The following PRORP variants were observed in gnomAD, a reference collection of about 807,000 sequenced individuals.
PRORP encodes the protein protein only RNase P catalytic subunit, also known as mitochondrial ribonuclease P catalytic subunit.
In PRORP, 51 loss-of-function variants were observed where a neutral mutation model predicts 59.4. The observed-to-expected ratio is 0.86, with a 90% CI of 0.69 to 1.08. The LOEUF is 1.08. PRORP is among the 50% of genes least tolerant of loss of function. The pLI is 0.00. For missense variants in PRORP, 646 were observed against 690.3 expected, an observed-to-expected ratio of 0.94 and a Z score of 0.72; for synonymous variants, 231 against 245.6, an observed-to-expected ratio of 0.94 and a Z score of 0.55.
intron 4 of PRORP, 24 bp downstream of exon 4, chr14:35,127,635 T>G: frequency 6.2e-7 from 1 of 1,613,380 alleles, no homozygotes; most frequent in Middle Eastern, 1.7e-4. Flanking sequence ...GTTTTATTTC[T>G]TCTTGGATTG....
chr14:35,189,135 T>A (rs1223129486), intron 5 of PRORP, among the ~76,000 whole-genome samples: 1 of 152,162 alleles, frequency 6.6e-6, no homozygotes, highest in Non-Finnish European at 1.5e-5. Context: ...GGACTAACCT[T>A]CACCCTATTT....
At chr14:35,174,465 G>A (rs1040115407) in intron 4 of PRORP, among the ~76,000 whole-genome samples, 1 of 151,898 alleles carries the variant, frequency 6.6e-6, no homozygotes. Flanking sequence ...TTAAGTTGGG[G>A]TTTTTTTGTT....
rs1056642864 is a variant in PRORP at position 35,155,508 on chromosome 14, G to A, written c.1168-25162G>A. Among the ~76,000 whole-genome samples the A allele has an allele frequency of 1.2e-4, 17 of 147,544 alleles. 1 individual carries two copies. The highest frequency in any genetic ancestry group is 3.6e-3 in the Middle Eastern group (1 of 280). On this transcript the variant is annotated intron_variant, in intron 4 of 7. Transcript: ENST00000534898. The stretch of plus-strand genomic sequence containing the variant: ...AAGCTGAGGTGGGAGGATTGCTTGA[G>A]CCCAGGAGTTTAAGACAAGCCTGGG...
intron 5 of PRORP, among the ~76,000 whole-genome samples, chr14:35,236,965 CTTTT>C (rs2050233369): frequency 1.3e-5 from 2 of 150,358 alleles, no homozygotes; most frequent in Non-Finnish European, 3.0e-5. Flanking sequence ...TCTTTTCTTT[CTTTT>C]CTTTCCTTTC....
intron 7 of PRORP, among the ~76,000 whole-genome samples, chr14:35,271,916 C>T (rs756966888): frequency 9.2e-5 from 14 of 152,062 alleles, no homozygotes; most frequent in South Asian, 4.1e-4. Context: ...ATCCCAGCTA[C>T]GTGGGAGGCT....
chr14:35,236,645 A>G (rs1251696321), intron 5 of PRORP, among the ~76,000 whole-genome samples: 1 of 152,134 alleles, frequency 6.6e-6, no homozygotes, highest in Non-Finnish European at 1.5e-5. Context: ...CTGTGACTTC[A>G]CATTCTTATC....
intron 5 of PRORP, among the ~76,000 whole-genome samples, chr14:35,263,586 G>A (rs540101956): frequency 1.4e-4 from 22 of 152,308 alleles, no homozygotes; most frequent in Non-Finnish European, 2.9e-4. Context: ...TACTCAGGAG[G>A]CTGAGGTAGG....
In PRORP at chr14:35,248,103, G is replaced by C. The variant is rs182128338; in HGVS notation, c.1276-18624G>C. On this transcript the variant is annotated intron_variant, in intron 5 of 7. Transcript: ENST00000534898. ...TAGAATTGTTTCATTAACTAAGGAC[G>C]AGAGGAGATAATTGAAATCTCCCTA... 3.0e-3 allele frequency among the ~76,000 whole-genome samples: 448 copies of C among 151,250 alleles called. 3 individuals are homozygous for C. Among genetic ancestry groups the C allele is most frequent in the African/African-American group, 0.011 (439 of 41,512 alleles).
At chr14:35,154,083 C>T (rs1280998684) in intron 4 of PRORP, among the ~76,000 whole-genome samples, 3 of 152,154 alleles carry the variant, frequency 2.0e-5, no homozygotes, top group African/African-American at 4.8e-5. Flanking sequence ...AAAGCCCACT[C>T]CAGCTCTGCA....
intron 5 of PRORP, among the ~76,000 whole-genome samples, chr14:35,190,896 G>T (rs572797631): frequency 6.6e-6 from 1 of 152,024 alleles, no homozygotes; most frequent in African/African-American, 2.4e-5. Context: ...ATCATAATCT[G>T]TTGCAAGATA....
chr14:35,227,825 C>T (rs1365448889), intron 5 of PRORP, among the ~76,000 whole-genome samples: 1 of 151,552 alleles, frequency 6.6e-6, no homozygotes, highest in Non-Finnish European at 1.5e-5. Flanking sequence ...TGCACAAGCC[C>T]GCAGAAATAC....
At chr14:35,239,917 A>C (rs563190700) in intron 5 of PRORP, among the ~76,000 whole-genome samples, 1 of 152,228 alleles carries the variant, frequency 6.6e-6, no homozygotes, top group African/African-American at 2.4e-5. Context: ...TCTACTAAAA[A>C]TACAAAAATT....
At chr14:35,229,059 T>C (rs1369857513) in intron 5 of PRORP, among the ~76,000 whole-genome samples, 1 of 152,240 alleles carries the variant, frequency 6.6e-6, no homozygotes. Flanking sequence ...TATTGAGCAT[T>C]TTTTCATGTT....
chr14:35,121,842 C>T, upstream of PRORP: 3 of 1,582,462 alleles, frequency 1.9e-6, no homozygotes, highest in South Asian at 3.3e-5. Context: ...CCCACCTCCC[C>T]CCTACCTCTA....
intron 5 of PRORP, among the ~76,000 whole-genome samples, chr14:35,210,721 A>T (rs1242687730): frequency 6.9e-6 from 1 of 145,458 alleles, no homozygotes; most frequent in African/African-American, 2.5e-5. Flanking sequence ...GGCTTCTGGA[A>T]AAGTTTTCCT....
At chr14:35,249,424 A>T (rs2050560110) in intron 5 of PRORP, among the ~76,000 whole-genome samples, 1 of 152,238 alleles carries the variant, frequency 6.6e-6, no homozygotes, top group Non-Finnish European at 1.5e-5. Flanking sequence ...TCTACAAAAA[A>T]TAAAAAAATA....
At chr14:35,259,978 T>C (rs28460322) in intron 5 of PRORP, among the ~76,000 whole-genome samples, 6,935 of 149,264 alleles carry the variant, frequency 0.046, 248 homozygotes, top group African/African-American at 0.093. Context: ...TGCAGGTGTT[T>C]TGGAGGTTTT....
chr14:35,149,130 A>G (rs2047681927), intron 4 of PRORP, among the ~76,000 whole-genome samples: 1 of 150,400 alleles, frequency 6.6e-6, no homozygotes, highest in South Asian at 2.1e-4. Flanking sequence ...CGTGTTAGCC[A>G]GGATGGTCTC....
chr14:35,149,872 C>CA (rs1269075147), intron 4 of PRORP, among the ~76,000 whole-genome samples: 2 of 152,100 alleles, frequency 1.3e-5, no homozygotes, highest in Non-Finnish European at 2.9e-5. Context: ...GGCGGGGAGA[C>CA]AGAGTCTCAC....
Sources: allele counts gnomAD v4.1 joint callset (sites outside exome capture counted in the v4.1 genomes callset), GRCh38; gene constraint gnomAD v4.1.1; transcripts MANE v1.5; gene names NCBI Gene and HGNC (gene_info 2026-07-23, HGNC 2026-07-21).